DLGAP2: variants seen among roughly 807,000 people sequenced by gnomAD.
The protein encoded by DLGAP2 is disks large-associated protein 2.
DLGAP2 carries 26 observed loss-of-function variants against 100.3 expected under a neutral mutation model. The observed-to-expected ratio is 0.26, with a 90% CI of 0.19 to 0.36. DLGAP2 has a LOEUF of 0.36. DLGAP2 is among the 10% of genes least tolerant of loss of function. The pLI is 1.00. For missense variants in DLGAP2, 1,858 were observed against 1,453.2 expected (o/e 1.28, Z -4.53); for synonymous variants, 886 against 630.1 (o/e 1.41, Z -6.08).
chr8:824,915 A>C (rs1183544053), intron 1 of DLGAP2, among the ~76,000 whole-genome samples: 1 of 152,162 alleles, frequency 6.6e-6, no homozygotes, highest in Non-Finnish European at 1.5e-5. Flanking sequence ...GGGGCCATGG[A>C]AGCCACAGGG....
chr8:1,147,111 T>G (rs1291388134), intron 2 of DLGAP2, among the ~76,000 whole-genome samples: 2 of 152,242 alleles, frequency 1.3e-5, no homozygotes, highest in African/African-American at 2.4e-5. Context: ...GTCTTTCAAA[T>G]GCATTGACAT....
At chr8:1,500,962 T>C (rs774587355) in intron 3 of DLGAP2, among the ~76,000 whole-genome samples, 3 of 152,184 alleles carry the variant, frequency 2.0e-5, no homozygotes, top group African/African-American at 7.2e-5. Flanking sequence ...GTCTTTCTCA[T>C]GGGCGATGCA....
At chr8:1,658,493 A>G (rs1798336017) in intron 8 of DLGAP2, among the ~76,000 whole-genome samples, 1 of 152,136 alleles carries the variant, frequency 6.6e-6, no homozygotes, top group South Asian at 2.1e-4. Flanking sequence ...TTTGGTTGGT[A>G]GGCTATTAAT....
intron 2 of DLGAP2, among the ~76,000 whole-genome samples, chr8:955,744 T>G (rs531520088): frequency 6.6e-6 from 1 of 152,232 alleles, no homozygotes; most frequent in Non-Finnish European, 1.5e-5. Flanking sequence ...TTAAATAGGA[T>G]TGCATTGTTG....
At position 823,476 on chromosome 8, in the gene DLGAP2, A is replaced by G. The variant is rs573299885; in HGVS notation, c.19-84436A>G. Among the ~76,000 whole-genome samples, 5 of 152,256 alleles carry G rather than the reference A, an allele frequency of 3.3e-5. No homozygotes were observed. In the South Asian group the frequency reaches 1.0e-3, roughly 32 times the overall value. ...TAGTTAGGGTGCTTAATTGCAAAGA[A>G]AAGACTCACTCTGGTGTGTTTAAGC... On this transcript the variant is annotated intron_variant, in intron 1 of 14. Coordinates refer to ENST00000637795, the MANE Select transcript of DLGAP2 (RefSeq NM_001346810.2).
At chr8:1,062,861 T>C (rs1803127933) in intron 2 of DLGAP2, among the ~76,000 whole-genome samples, 1 of 152,182 alleles carries the variant, frequency 6.6e-6, no homozygotes, top group Non-Finnish European at 1.5e-5. Context: ...AGTTCAGTCT[T>C]CAGCTATAAC....
intron 1 of DLGAP2, among the ~76,000 whole-genome samples, chr8:902,988 G>A (rs1160263661): frequency 9.5e-6 from 1 of 105,502 alleles, no homozygotes; most frequent in African/African-American, 3.7e-5. Context: ...GTGGGGGCGG[G>A]GGGGCGGAAA....
intron 12 of DLGAP2, among the ~76,000 whole-genome samples, chr8:1,685,907 T>C (rs1229422644): frequency 1.3e-5 from 2 of 152,140 alleles, no homozygotes; most frequent in Admixed American, 6.5e-5. Context: ...ATGGCTATTA[T>C]CACAAAGACA....
At chr8:1,027,747 G>A (rs1319117310) in intron 2 of DLGAP2, among the ~76,000 whole-genome samples, 97 of 133,584 alleles carry the variant, frequency 7.3e-4, no homozygotes, top group African/African-American at 2.4e-3. Context: ...GGTGTCAGGC[G>A]CCCGTTATTC....
chr8:1,453,473 A>G (rs1798219380), intron 3 of DLGAP2, among the ~76,000 whole-genome samples: 1 of 152,190 alleles, frequency 6.6e-6, no homozygotes. Flanking sequence ...AACGGAGTGT[A>G]TGCTGGAGTG....
intron 2 of DLGAP2, among the ~76,000 whole-genome samples, chr8:1,064,385 C>A (rs1803180695): frequency 6.6e-6 from 1 of 152,142 alleles, no homozygotes; most frequent in Non-Finnish European, 1.5e-5. Flanking sequence ...TTCATACAAC[C>A]AAACCAGGGT....
Position 750,618 on chromosome 8 carries a change from A to G in DLGAP2, c.18+12793A>G, listed in dbSNP as rs557801489. On this transcript the variant is annotated intron_variant, in intron 1 of 14. Transcript: ENST00000637795. ...AAAACTACAAGTGAGCTATTATTTT[A>G]CAGATAATTAACGGCCGTACATTTT... 3.3e-5 allele frequency among the ~76,000 whole-genome samples: 5 copies of G among 152,356 alleles called. No homozygotes were observed. The South Asian group carries it at 6.2e-4, about 19-fold the overall frequency.
chr8:1,612,730 A>G (rs1797020367), intron 6 of DLGAP2, among the ~76,000 whole-genome samples: 1 of 131,228 alleles, frequency 7.6e-6, no homozygotes, highest in Non-Finnish European at 1.6e-5. Context: ...AAGTGGGAGA[A>G]GGACATGAAC....
chr8:1,475,807 A>G (rs995411868), intron 3 of DLGAP2, among the ~76,000 whole-genome samples: 3 of 152,208 alleles, frequency 2.0e-5, no homozygotes, highest in East Asian at 1.9e-4. Context: ...TGTGTGATTT[A>G]TAGGAGATCA....
At chr8:1,671,404 CTG>C (rs1484261653) in intron 10 of DLGAP2, among the ~76,000 whole-genome samples, 1 of 152,222 alleles carries the variant, frequency 6.6e-6, no homozygotes, top group Admixed American at 6.5e-5. Context: ...GCAGGAGAAT[CTG>C]TGTTCTGCGA....
At chr8:1,107,492 A>C (rs749256988) in intron 2 of DLGAP2, among the ~76,000 whole-genome samples, 9 of 152,170 alleles carry the variant, frequency 5.9e-5, no homozygotes, top group Non-Finnish European at 1.2e-4. Context: ...GCCTGAGAAA[A>C]AGCCACAGCT....
intron 2 of DLGAP2, among the ~76,000 whole-genome samples, chr8:1,198,768 G>C (rs114244489): frequency 6.6e-6 from 1 of 152,220 alleles, no homozygotes; most frequent in African/African-American, 2.4e-5. Context: ...ACACCTGAAC[G>C]ATGCTTCCCC....
chr8:778,291 G>T (rs935939336), intron 1 of DLGAP2, among the ~76,000 whole-genome samples: 1 of 152,050 alleles, frequency 6.6e-6, no homozygotes, highest in Non-Finnish European at 1.5e-5. Flanking sequence ...TTTGGTTTGC[G>T]TGTCCTCTCG....
intron 2 of DLGAP2, among the ~76,000 whole-genome samples, chr8:950,915 C>G (rs1042434925): frequency 1.3e-5 from 2 of 152,034 alleles, no homozygotes; most frequent in Non-Finnish European, 2.9e-5. Flanking sequence ...TGAGCCACCG[C>G]GCTCGGCCCT....
Sources: gnomAD v4.1 joint callset for allele counts (sites outside exome capture counted in the v4.1 genomes callset) on GRCh38, gnomAD v4.1.1 for gene constraint, MANE v1.5 for transcripts, NCBI Gene and HGNC (gene_info 2026-07-23, HGNC 2026-07-21) for gene names.